Variants in MARCHF4 observed in about 807,000 individuals in gnomAD.
MARCHF4 encodes E3 ubiquitin-protein ligase MARCHF4.
MARCHF4 carries 14 observed loss-of-function variants against 43.9 expected under a neutral mutation model. The ratio of observed to expected loss-of-function variants is 0.32; its 90% CI spans 0.21 to 0.50. MARCHF4 has a LOEUF of 0.50. Among genes scored for constraint, MARCHF4 ranks in the 20% least tolerant of loss-of-function variants. The probability of loss-of-function intolerance (pLI) is 0.98; values close to 1 mark genes in which losing one functional copy is unlikely to be tolerated. For synonymous variants in MARCHF4, 226 were observed against 213.3 expected, an observed-to-expected ratio of 1.06 and a Z score of -0.52; for missense variants, 468 against 536.7, an observed-to-expected ratio of 0.87 and a Z score of 1.27.
chr2:216,263,508 AGAGAGAGAG>A (rs1690782537), intron 3 of MARCHF4, among the ~76,000 whole-genome samples: 1 of 137,564 alleles, frequency 7.3e-6, no homozygotes, highest in Admixed American at 7.2e-5. Context: ...AGAGAGAGAG[AGAGAGAGAG>A]AGAGAGAGAG....
At chr2:216,322,152 T>C (rs1691906981) in intron 1 of MARCHF4, among the ~76,000 whole-genome samples, 1 of 152,146 alleles carries the variant, frequency 6.6e-6, no homozygotes, top group South Asian at 2.1e-4. Context: ...TCTACAGAAG[T>C]CCAAGGTGGG....
intron 1 of MARCHF4, among the ~76,000 whole-genome samples, chr2:216,367,178 A>T (rs1692679773): frequency 6.6e-6 from 1 of 152,144 alleles, no homozygotes; most frequent in Admixed American, 6.5e-5. Flanking sequence ...AGATAACACC[A>T]AGACATTCAG....
intron 1 of MARCHF4, among the ~76,000 whole-genome samples, chr2:216,356,333 G>A (rs1256235729): frequency 1.3e-5 from 2 of 152,172 alleles, no homozygotes; most frequent in African/African-American, 2.4e-5. Flanking sequence ...TATACCTGAG[G>A]AACTGCGCGA....
chr2:216,283,766 C>G, intron 1 of MARCHF4, 37 bp from the exon 2 acceptor site: 2 of 1,544,278 alleles, frequency 1.3e-6, no homozygotes, highest in Non-Finnish European at 8.8e-7. Flanking sequence ...AGGCTGAGAC[C>G]TACAGTGGCT....
At chr2:216,294,347 A>AAATTAATTTTCAGTCACTGT (rs1691357580) in intron 1 of MARCHF4, among the ~76,000 whole-genome samples, 1 of 152,382 alleles carries the variant, frequency 6.6e-6, no homozygotes, top group African/African-American at 2.4e-5. Context: ...AATTCTTCAA[A>AAATTAATTTTCAGTCACTGT]AATTAATTTT....
At chr2:216,319,009 C>G (rs1178162083) in intron 1 of MARCHF4, among the ~76,000 whole-genome samples, 1 of 151,886 alleles carries the variant, frequency 6.6e-6, no homozygotes, top group Non-Finnish European at 1.5e-5. Flanking sequence ...ATATATTTAC[C>G]TTAAAACAAA....
At chr2:216,266,806 G>C (rs574163618) in intron 3 of MARCHF4, among the ~76,000 whole-genome samples, 3 of 152,296 alleles carry the variant, frequency 2.0e-5, no homozygotes, top group Admixed American at 2.0e-4. Flanking sequence ...AGTTCAGGGG[G>C]TACTGCTGGG....
chr2:216,370,334 G>C lies in MARCHF4; in HGVS notation c.-74C>G, dbSNP rs910061873. 2.8e-6 allele frequency: 4 copies of C among 1,412,500 alleles called. No individual in the cohort carries two copies. Among genetic ancestry groups the C allele is most frequent in the Non-Finnish European group, 3.7e-6 (4 of 1,066,822 alleles). 87.5% of individuals were successfully genotyped at this position (1,412,500 alleles called of 1,614,324 possible). A position where few individuals can be genotyped will look rare whatever the true frequency, so the allele number is the denominator to read the frequency against. On this transcript the variant is annotated 5_prime_UTR_variant, in exon 1 of 4. Coordinates refer to ENST00000273067, the MANE Select transcript of MARCHF4 (RefSeq NM_020814.3). Reference sequence around the variant, plus strand: ...AGAGGGGGACAGGACAGGTTTTGGGGGTCCACAGTGGATCTGTGTTGTGGG... The same window carrying C: ...AGAGGGGGACAGGACAGGTTTTGGGCGTCCACAGTGGATCTGTGTTGTGGG...
chr2:216,355,460 A>T (rs1293962445), intron 1 of MARCHF4, among the ~76,000 whole-genome samples: 1 of 152,140 alleles, frequency 6.6e-6, no homozygotes, highest in East Asian at 1.9e-4. Context: ...TTCCAGCCTC[A>T]TGTCAAAGAC....
chr2:216,280,143 A>C (rs1417318085), intron 2 of MARCHF4, among the ~76,000 whole-genome samples: 1 of 152,052 alleles, frequency 6.6e-6, no homozygotes, highest in Admixed American at 6.6e-5. Flanking sequence ...TCTGTCCCAT[A>C]TGAGGCTCCA....
chr2:216,311,059 T>C (rs1691677245), intron 1 of MARCHF4, among the ~76,000 whole-genome samples: 2 of 152,240 alleles, frequency 1.3e-5, no homozygotes, highest in Admixed American at 6.5e-5. Flanking sequence ...TAAGCACTGC[T>C]AGCACCTTAT....
intron 1 of MARCHF4, among the ~76,000 whole-genome samples, chr2:216,291,897 A>G (rs1442473530): frequency 1.3e-5 from 2 of 152,198 alleles, no homozygotes; most frequent in African/African-American, 2.4e-5. Context: ...AGGGCTCTGG[A>G]ACCCGTCTGT....
At chr2:216,282,683 C>G (rs1002910316) in intron 2 of MARCHF4, among the ~76,000 whole-genome samples, 23 of 152,146 alleles carry the variant, frequency 1.5e-4, no homozygotes, top group Non-Finnish European at 2.9e-4. Flanking sequence ...GTGGCACAGG[C>G]CTGCCAGCTC....
intron 1 of MARCHF4, chr2:216,303,588 A>T (rs557528917): frequency 6.6e-6 from 1 of 152,406 alleles, no homozygotes; most frequent in African/African-American, 2.4e-5. Flanking sequence ...GGTGCTGCAG[A>T]GAGCGCAATG....
chr2:216,334,388 A>G (rs1312438083), intron 1 of MARCHF4, among the ~76,000 whole-genome samples: 1 of 152,166 alleles, frequency 6.6e-6, no homozygotes, highest in Non-Finnish European at 1.5e-5. Flanking sequence ...TAGGGCCTCC[A>G]GAAAGTAAGG....
chr2:216,292,526 T>G (rs1691324413), intron 1 of MARCHF4, among the ~76,000 whole-genome samples: 1 of 152,138 alleles, frequency 6.6e-6, no homozygotes, highest in Non-Finnish European at 1.5e-5. Context: ...AAGTAGGAAT[T>G]CTCCAGTGTC....
At chr2:216,341,819 C>G (rs114225297) in intron 1 of MARCHF4, among the ~76,000 whole-genome samples, 1,536 of 152,318 alleles carry the variant, frequency 0.01, 37 homozygotes, top group African/African-American at 0.035. Flanking sequence ...CTAATTAGGT[C>G]TTGGGGGTCC....
At chr2:216,345,920 C>G (rs1015301876) in intron 1 of MARCHF4, among the ~76,000 whole-genome samples, 16 of 152,154 alleles carry the variant, frequency 1.1e-4, no homozygotes, top group African/African-American at 3.9e-4. Flanking sequence ...GAGATCACAC[C>G]TCCTTATCTC....
intron 1 of MARCHF4, among the ~76,000 whole-genome samples, chr2:216,313,444 C>T (rs1323216698): frequency 6.6e-6 from 1 of 152,252 alleles, no homozygotes; most frequent in East Asian, 1.9e-4. Flanking sequence ...GCTACTTTCA[C>T]AAATTAGAAA....
Sources: gnomAD v4.1 joint callset for allele counts (sites outside exome capture counted in the v4.1 genomes callset) on GRCh38, gnomAD v4.1.1 for gene constraint, MANE v1.5 for transcripts, NCBI Gene and HGNC (gene_info 2026-07-23, HGNC 2026-07-21) for gene names.